The following TNR variants were observed in gnomAD, a reference collection of about 807,000 sequenced individuals.
TNR encodes the protein tenascin R.
A neutral mutation model predicts 150.4 loss-of-function variants in TNR; 45 were observed. The ratio of observed to expected loss-of-function variants is 0.30; its 90% CI spans 0.24 to 0.38. The LOEUF (loss-of-function observed/expected upper bound fraction) is 0.38. Among genes scored for constraint, TNR ranks in the 10% least tolerant of loss-of-function variants. The pLI is 1.00. For synonymous variants in TNR, 687 were observed against 678.4 expected, an observed-to-expected ratio of 1.01 and a Z score of -0.20; for missense variants, 1,544 against 1,759.1, an observed-to-expected ratio of 0.88 and a Z score of 2.19.
chr1:175,342,396 C>G (rs939886557), intron 18 of TNR, among the ~76,000 whole-genome samples: 2 of 152,132 alleles, frequency 1.3e-5, no homozygotes, highest in African/African-American at 4.8e-5. Context: ...AAAAGTACGG[C>G]CCCTTTGAGA....
intron 1 of TNR, among the ~76,000 whole-genome samples, chr1:175,684,203 C>G (rs1666121431): frequency 6.6e-6 from 1 of 152,132 alleles, no homozygotes; most frequent in Non-Finnish European, 1.5e-5. Context: ...GATGGCTCAT[C>G]AAATATGAAG....
chr1:175,455,209 A>G (rs1166026343), intron 2 of TNR, among the ~76,000 whole-genome samples: 1 of 152,194 alleles, frequency 6.6e-6, no homozygotes, highest in African/African-American at 2.4e-5. Context: ...CCATTCTACT[A>G]CCCAGAGACC....
At chr1:175,589,095 C>G (rs1239252093) in intron 1 of TNR, among the ~76,000 whole-genome samples, 2 of 152,120 alleles carry the variant, frequency 1.3e-5, no homozygotes, top group African/African-American at 4.8e-5. Flanking sequence ...TCAACATCTT[C>G]TTTTTGTACA....
chr1:175,377,543 C>A (rs1652467017), intron 9 of TNR, among the ~76,000 whole-genome samples: 1 of 149,886 alleles, frequency 6.7e-6, no homozygotes, highest in Non-Finnish European at 1.5e-5. Flanking sequence ...GCTGGTCTAT[C>A]CTTTCTCTGC....
chr1:175,721,051 T>C (rs1667285537), intron 1 of TNR, among the ~76,000 whole-genome samples: 1 of 152,220 alleles, frequency 6.6e-6, no homozygotes, highest in Non-Finnish European at 1.5e-5. Flanking sequence ...TTCATCTTCA[T>C]TGCTTAGCTG....
intron 1 of TNR, among the ~76,000 whole-genome samples, chr1:175,624,933 G>A (rs575457270): frequency 1.3e-5 from 2 of 152,198 alleles, no homozygotes; most frequent in Non-Finnish European, 2.9e-5. Context: ...CTTCAGCTGA[G>A]CACCTCCTGC....
At chr1:175,714,954 G>C (rs1330079069) in intron 1 of TNR, among the ~76,000 whole-genome samples, 1 of 152,100 alleles carries the variant, frequency 6.6e-6, no homozygotes, top group African/African-American at 2.4e-5. Flanking sequence ...ACTGGTAGGG[G>C]GCATGGGATG....
At position 175,359,612 on chromosome 1, in the gene TNR, C is replaced by G; in HGVS notation, c.2974G>C (p.Val992Leu). The G allele has an allele frequency of 6.2e-7, 1 of 1,613,412 alleles. No individual in the cohort carries two copies. Among genetic ancestry groups the G allele is most frequent in the Non-Finnish European group, 8.5e-7 (1 of 1,179,784 alleles). The change falls in exon 15 of 23, where the codon GTC becomes CTC. Residue 992 changes from valine to leucine, a missense_variant and splice_region_variant. Val to Leu is a conservative substitution (Grantham distance 32). Around this residue, in one of 2 missense-constraint regions of TNR, gnomAD observed 1,254 missense variants for 1,329.4 expected, o/e 0.94. Coordinates refer to ENST00000367674, the MANE Select transcript of TNR (RefSeq NM_003285.3). Reference protein sequence around the residue: ...NYVIVLTHFAVAGETILVDGV... With the variant: ...NYVIVLTHFALAGETILVDGV... Reference sequence around the variant, plus strand: ...GATCTGCAGGCCTGCAGACACCCACCTGCAAAGTGTGTAAGAACAATGACG... The same window carrying G: ...GATCTGCAGGCCTGCAGACACCCACGTGCAAAGTGTGTAAGAACAATGACG...
chr1:175,588,529 T>C (rs966734619), intron 1 of TNR, among the ~76,000 whole-genome samples: 1 of 152,162 alleles, frequency 6.6e-6, no homozygotes, highest in Non-Finnish European at 1.5e-5. Flanking sequence ...TCTTTTTTTT[T>C]CTAAGCAGTG....
At chr1:175,324,279 C>G in intron 22 of TNR, 77 bp downstream of exon 22, 1 of 1,471,666 alleles carries the variant, frequency 6.8e-7, no homozygotes, top group Non-Finnish European at 9.1e-7. Context: ...CTCACATGTG[C>G]TTTTAAAATA....
chr1:175,400,295 G>A (rs547808552), intron 4 of TNR, among the ~76,000 whole-genome samples: 2 of 152,298 alleles, frequency 1.3e-5, no homozygotes, highest in African/African-American at 4.8e-5. Context: ...AGATAAAAGA[G>A]TGCTAGAAGC....
intron 1 of TNR, among the ~76,000 whole-genome samples, chr1:175,684,992 C>A (rs1666145595): frequency 6.6e-6 from 1 of 152,158 alleles, no homozygotes; most frequent in South Asian, 2.1e-4. Flanking sequence ...TCCTTTCTGG[C>A]TTTTCCTATT....
At chr1:175,473,465 C>T (rs536642066) in intron 2 of TNR, among the ~76,000 whole-genome samples, 1 of 152,258 alleles carries the variant, frequency 6.6e-6, no homozygotes, top group African/African-American at 2.4e-5. Flanking sequence ...ATTGTTGTTC[C>T]TAAGAAATGG....
chr1:175,695,096 C>T (rs1402639689), intron 1 of TNR, among the ~76,000 whole-genome samples: 1 of 152,172 alleles, frequency 6.6e-6, no homozygotes, highest in East Asian at 1.9e-4. Context: ...TTACTGGCTC[C>T]CCTCTAAGAA....
At chr1:175,590,351 TTTAAAATATTGCA>T (rs1376329987) in intron 1 of TNR, among the ~76,000 whole-genome samples, 1 of 152,232 alleles carries the variant, frequency 6.6e-6, no homozygotes, top group Admixed American at 6.5e-5. Flanking sequence ...AATTTTGATT[TTTAAAATATTGCA>T]TTAAATATTA....
chr1:175,731,565 A>T (rs535828167), intron 1 of TNR, among the ~76,000 whole-genome samples: 21 of 152,356 alleles, frequency 1.4e-4, no homozygotes, highest in African/African-American at 5.1e-4. Context: ...AAAATTATGG[A>T]CAGTAATTAT....
At chr1:175,555,482 A>G (rs1020984216) in intron 1 of TNR, among the ~76,000 whole-genome samples, 4 of 150,916 alleles carry the variant, frequency 2.7e-5, no homozygotes, top group African/African-American at 9.8e-5. Context: ...CTGATTCATA[A>G]GCACATTAGT....
At chr1:175,358,633 C>T (rs1651439808) in intron 15 of TNR, among the ~76,000 whole-genome samples, 1 of 152,178 alleles carries the variant, frequency 6.6e-6, no homozygotes, top group Admixed American at 6.5e-5. Flanking sequence ...TAACCCAAAA[C>T]AATTCTGTGA....
chr1:175,675,067 G>C (rs1157056999), intron 1 of TNR, among the ~76,000 whole-genome samples: 2 of 152,134 alleles, frequency 1.3e-5, no homozygotes, highest in African/African-American at 4.8e-5. Context: ...GGGTGAGGTG[G>C]GGACTCTGAC....
Sources: gnomAD v4.1 joint callset for allele counts (sites outside exome capture counted in the v4.1 genomes callset) on GRCh38, gnomAD v4.1.1 for gene constraint, gnomAD v4.1.1 regional missense constraint, MANE v1.5 for transcripts, NCBI Gene and HGNC (gene_info 2026-07-23, HGNC 2026-07-21) for gene names.